The following COL22A1 variants were observed in gnomAD, a reference collection of about 807,000 sequenced individuals.
The protein encoded by COL22A1 is collagen type XXII alpha 1 chain.
COL22A1 carries 221 observed loss-of-function variants against 248.9 expected under a neutral mutation model. The ratio of observed to expected loss-of-function variants is 0.89; its 90% CI spans 0.80 to 0.99. The LOEUF is 0.99. Ranked by LOEUF, COL22A1 falls within the 50% of genes least tolerant of loss-of-function variation. COL22A1 has a pLI of 0.00. For missense variants in COL22A1, 2,240 were observed against 2,179.0 expected (o/e 1.03, Z -0.56); for synonymous variants, 891 against 793.4 (o/e 1.12, Z -2.07).
intron 44 of COL22A1, 81 bp downstream of exon 44, chr8:138,660,355 G>A (rs1587792323): frequency 8.1e-7 from 1 of 1,234,186 alleles, no homozygotes; most frequent in East Asian, 2.3e-5. Flanking sequence ...AAAACCTCTT[G>A]AACTTTCTGA....
chr8:138,850,805 C>T (rs6577956), intron 3 of COL22A1, among the ~76,000 whole-genome samples: 90,051 of 152,070 alleles, frequency 0.59, 27,858 homozygotes, highest in East Asian at 0.68. Flanking sequence ...AAAACAGAGG[C>T]GAAAGTCCCT....
chr8:138,855,186 G>A (rs1821925858), intron 3 of COL22A1, among the ~76,000 whole-genome samples: 1 of 152,224 alleles, frequency 6.6e-6, no homozygotes, highest in Non-Finnish European at 1.5e-5. Flanking sequence ...AGAAGCTGAT[G>A]CCCACATGGT....
At chr8:138,747,163 T>C (rs75672196) in intron 22 of COL22A1, among the ~76,000 whole-genome samples, 2,484 of 152,298 alleles carry the variant, frequency 0.016, 72 homozygotes, top group African/African-American at 0.056. Context: ...AACAACATGA[T>C]GTGATGATTT....
At chr8:138,593,239 G>C (rs1817234549) in intron 63 of COL22A1, among the ~76,000 whole-genome samples, 1 of 152,068 alleles carries the variant, frequency 6.6e-6, no homozygotes, top group African/African-American at 2.4e-5. Context: ...CAAGGGGACA[G>C]AGGGCATTAG....
intron 31 of COL22A1, among the ~76,000 whole-genome samples, chr8:138,701,357 G>A (rs372526586): frequency 2.0e-5 from 3 of 152,080 alleles, no homozygotes; most frequent in Admixed American, 1.3e-4. Flanking sequence ...GTCCCAGCAC[G>A]GGCCCGAAAG....
chr8:138,602,348 CT>C (rs1466656852), intron 59 of COL22A1, among the ~76,000 whole-genome samples, 189 bp from the exon 60 acceptor site: 1 of 152,180 alleles, frequency 6.6e-6, no homozygotes, highest in African/African-American at 2.4e-5. Context: ...GCCTTCTCTC[CT>C]TTCCTCCTGG....
chr8:138,674,397 T>C (rs751341123), intron 41 of COL22A1, among the ~76,000 whole-genome samples: 41 of 152,104 alleles, frequency 2.7e-4, no homozygotes, highest in Non-Finnish European at 5.7e-4. Context: ...CTTTGCACAC[T>C]CCATACAGAT....
intron 43 of COL22A1, among the ~76,000 whole-genome samples, chr8:138,661,064 CCACATA>C (rs1269680011): frequency 7.4e-6 from 1 of 134,410 alleles, no homozygotes; most frequent in East Asian, 2.3e-4. Context: ...GCACACACAC[CCACATA>C]CACATACATA....
chr8:138,751,101 T>C (rs189882377), intron 22 of COL22A1, among the ~76,000 whole-genome samples: 5 of 152,338 alleles, frequency 3.3e-5, no homozygotes, highest in Admixed American at 2.6e-4. Flanking sequence ...CCATGAGATA[T>C]GATATTCAAT....
intron 18 of COL22A1, among the ~76,000 whole-genome samples, chr8:138,757,175 CG>C (rs1833078986): frequency 6.6e-6 from 1 of 152,134 alleles, no homozygotes; most frequent in Non-Finnish European, 1.5e-5. Context: ...GATCCCAGCG[CG>C]GATATCAAGT....
At chr8:138,630,849 T>A in intron 49 of COL22A1, 101 bp from the exon 50 acceptor site, 1 of 1,011,712 alleles carries the variant, frequency 9.9e-7, no homozygotes, top group Non-Finnish European at 1.6e-6. Context: ...GTTGGTTATC[T>A]GTCCCCTCCA....
rs1352040936 is a variant in COL22A1, at chr8:138,594,076, TC to T, written c.4555del (p.Glu1519SerfsTer17). ...GLPGRAGPMGEPGRPGQGGLE... is the reference protein window; with the variant it reads ...GLPGRAGPMGXPGRPGQGGLE... ...ACCCCCCTGCCCAGGACGACCTGGC[TC>T]CCCCATGGGGCCGGCCCGGCCTGGA... On this transcript the variant is annotated frameshift_variant, in exon 63 of 65. Transcript: ENST00000303045. LOFTEE classifies it high-confidence loss of function. 1.9e-6 allele frequency: 3 copies of T among 1,589,962 alleles called. No homozygotes were observed. The highest frequency in any genetic ancestry group is 2.3e-5 in the East Asian group (1 of 43,058).
At chr8:138,752,956 C>A (rs1832723936) in intron 21 of COL22A1, among the ~76,000 whole-genome samples, 1 of 152,222 alleles carries the variant, frequency 6.6e-6, no homozygotes, top group Admixed American at 6.5e-5. Context: ...CCATGGGGCT[C>A]TGCCTCAGAG....
chr8:138,741,560 T>C (rs964942755), intron 22 of COL22A1, among the ~76,000 whole-genome samples: 2 of 152,238 alleles, frequency 1.3e-5, no homozygotes, highest in African/African-American at 4.8e-5. Flanking sequence ...GGAAGTTATT[T>C]ATAAAACACA....
intron 21 of COL22A1, among the ~76,000 whole-genome samples, chr8:138,753,439 T>C (rs976482166): frequency 1.3e-5 from 2 of 152,228 alleles, no homozygotes; most frequent in Admixed American, 1.3e-4. Flanking sequence ...AATCCCATTC[T>C]GTCTAGGCTA....
chr8:138,716,490 T>C (rs1441214337), intron 28 of COL22A1, among the ~76,000 whole-genome samples: 1 of 152,208 alleles, frequency 6.6e-6, no homozygotes, highest in Non-Finnish European at 1.5e-5. Flanking sequence ...TCTTGTCTAC[T>C]TCAGCTGTTT....
intron 16 of COL22A1, among the ~76,000 whole-genome samples, chr8:138,773,721 G>T (rs1054227734): frequency 3.0e-4 from 46 of 152,192 alleles, no homozygotes; most frequent in Non-Finnish European, 4.7e-4. Context: ...GCTGAGGGAA[G>T]ACGGGATGCC....
At chr8:138,780,862 T>C in intron 13 of COL22A1, 65 bp downstream of exon 13, 1 of 1,373,080 alleles carries the variant, frequency 7.3e-7, no homozygotes, top group Non-Finnish European at 1.0e-6. Context: ...GGACACGGGG[T>C]TCTGACCAGG....
chr8:138,694,902 A>G (rs762854234), intron 32 of COL22A1, 23 bp from the exon 33 acceptor site: 2 of 1,612,380 alleles, frequency 1.2e-6, no homozygotes, highest in Non-Finnish European at 1.7e-6. Context: ...AGCATAGGGT[A>G]GAGTGGACTT....
Sources: allele counts gnomAD v4.1 joint callset (sites outside exome capture counted in the v4.1 genomes callset), GRCh38; gene constraint gnomAD v4.1.1; transcripts MANE v1.5; gene names NCBI Gene and HGNC (gene_info 2026-07-23, HGNC 2026-07-21).